GPC3: variants seen among roughly 807,000 people sequenced by gnomAD.
GPC3 encodes the protein glypican 3.
GPC3 carries 3 observed loss-of-function variants against 34.4 expected under a neutral mutation model. The ratio of observed to expected loss-of-function variants is 0.09; its 90% confidence interval spans 0.04 to 0.23. GPC3 has a LOEUF of 0.23. Among genes scored for constraint, GPC3 ranks in the 10% least tolerant of loss-of-function variants. GPC3 has a pLI of 1.00. For missense variants in GPC3, 351 were observed against 445.6 expected, an observed-to-expected ratio of 0.79 and a Z score of 1.91; for synonymous variants, 177 against 174.0, an observed-to-expected ratio of 1.02 and a Z score of -0.13.
chrX:133,572,274 A>G (rs1270651286), intron 7 of GPC3, among the ~76,000 whole-genome samples: 1 of 112,173 alleles, frequency 8.9e-6, no homozygotes, highest in Non-Finnish European at 1.9e-5. Flanking sequence ...AAGGAAAATT[A>G]GAAAATACTT....
At chrX:133,649,268 ATGTG>A (rs201681195) in intron 6 of GPC3, among the ~76,000 whole-genome samples, 77 of 104,046 alleles carry the variant, frequency 7.4e-4, no homozygotes, top group Admixed American at 2.7e-3. Context: ...ATATATATAT[ATGTG>A]TGTGTGTGTG....
At chrX:133,647,944 G>A (rs2070560293) in intron 6 of GPC3, among the ~76,000 whole-genome samples, 1 of 111,981 alleles carries the variant, frequency 8.9e-6, no homozygotes, top group Non-Finnish European at 1.9e-5. Flanking sequence ...TCTACTAAAG[G>A]TTCAATAAGG....
At chrX:133,671,523 G>A (rs1478650286) in intron 5 of GPC3, 5 of 385,497 alleles carry the variant, frequency 1.3e-5, no homozygotes, top group African/African-American at 1.0e-4. Flanking sequence ...GTTAAGCTAC[G>A]AGGGTGCTAG....
chrX:133,955,377 C>T (rs941672690), intron 1 of GPC3, among the ~76,000 whole-genome samples: 1 of 111,297 alleles, frequency 9.0e-6, no homozygotes, highest in African/African-American at 3.3e-5. Context: ...CTCTCTTCCA[C>T]AAGGGTCAGA....
intron 7 of GPC3, among the ~76,000 whole-genome samples, chrX:133,562,730 T>C (rs2069549810): frequency 8.9e-6 from 1 of 112,059 alleles, no homozygotes; most frequent in South Asian, 3.8e-4. Flanking sequence ...AAATTTGCTA[T>C]GGGCAGGTCC....
chrX:133,967,012 G>A (rs1219553759), intron 1 of GPC3, among the ~76,000 whole-genome samples: 1 of 111,807 alleles, frequency 8.9e-6, no homozygotes, highest in Non-Finnish European at 1.9e-5. Context: ...ATTTAATGGA[G>A]GAGAAAGTGC....
intron 7 of GPC3, among the ~76,000 whole-genome samples, chrX:133,537,168 C>T (rs957749149): frequency 6.0e-4 from 67 of 112,075 alleles, no homozygotes; most frequent in African/African-American, 2.0e-3. Context: ...ATGGCTGACC[C>T]TGGCCAAGGG....
intron 3 of GPC3, among the ~76,000 whole-genome samples, chrX:133,717,208 C>T (rs1410467823): frequency 9.1e-6 from 1 of 110,321 alleles, no homozygotes; most frequent in Non-Finnish European, 1.9e-5. Flanking sequence ...GTGATCTGCC[C>T]ACCTCAGCCT....
At chrX:133,902,134 C>T (rs192753472) in intron 2 of GPC3, among the ~76,000 whole-genome samples, 1 of 112,231 alleles carries the variant, frequency 8.9e-6, no homozygotes, top group African/African-American at 3.2e-5. Flanking sequence ...TTGAATTAAC[C>T]AAATATTTGA....
chrX:133,871,290 G>A (rs922942821), intron 2 of GPC3, among the ~76,000 whole-genome samples: 2 of 111,726 alleles, frequency 1.8e-5, no homozygotes, highest in African/African-American at 6.5e-5. Flanking sequence ...AGCTCTGAAA[G>A]TAAAAAATAT....
rs368570736 is a variant in GPC3 at position 133,739,683 on chromosome X, T to TA, written c.1032+13798dup. Among the ~76,000 whole-genome samples, 175 of 99,915 alleles carry TA rather than the reference T, an allele frequency of 1.8e-3. 1 individual carries two copies. Among genetic ancestry groups the TA allele is most frequent in the East Asian group, 3.1e-3 (10 of 3,216 alleles). The allele number at this position is 99,915 out of a possible 115,157, so 86.8% of individuals were successfully genotyped here. A position where few individuals can be genotyped will look rare whatever the true frequency, so the allele number is the denominator to read the frequency against. The stretch of plus-strand genomic sequence containing the variant: ...CAACATAGCAAGACCCTGTCTCTAC[T>TA]AAAAAAAAAACAAAAACAAAAACAA... On this transcript the variant is annotated intron_variant, in intron 3 of 7. Transcript: ENST00000370818.
At chrX:133,965,944 TAAA>T (rs1359691225) in intron 1 of GPC3, among the ~76,000 whole-genome samples, 1 of 110,617 alleles carries the variant, frequency 9.0e-6, no homozygotes, top group Non-Finnish European at 1.9e-5. Flanking sequence ...GGAGAAGTGT[TAAA>T]AAGGGGGGAA....
chrX:133,640,827 C>T (rs2070472892), intron 6 of GPC3, among the ~76,000 whole-genome samples: 1 of 111,737 alleles, frequency 8.9e-6, no homozygotes, highest in Non-Finnish European at 1.9e-5. Flanking sequence ...AGCCAAATTC[C>T]TTCTCCCACC....
chrX:133,901,252 C>T (rs2076142520), intron 2 of GPC3, among the ~76,000 whole-genome samples: 1 of 110,940 alleles, frequency 9.0e-6, no homozygotes, highest in Admixed American at 9.6e-5. Context: ...AGACATTAAC[C>T]TAGGTGAATT....
At chrX:133,569,421 A>G (rs1020457491) in intron 7 of GPC3, among the ~76,000 whole-genome samples, 2 of 111,267 alleles carry the variant, frequency 1.8e-5, no homozygotes, top group African/African-American at 6.5e-5. Flanking sequence ...TCTGTGTGTG[A>G]CTGATTTGGA....
At chrX:133,947,555 CAA>C (rs2076374341) in intron 2 of GPC3, among the ~76,000 whole-genome samples, 1 of 112,168 alleles carries the variant, frequency 8.9e-6, no homozygotes, top group Non-Finnish European at 1.9e-5. Context: ...CGATTGAATC[CAA>C]AAGTTTTACT....
At chrX:133,819,273 G>A (rs2075707880) in intron 2 of GPC3, among the ~76,000 whole-genome samples, 1 of 103,855 alleles carries the variant, frequency 9.6e-6, no homozygotes, top group African/African-American at 3.5e-5. Context: ...AACACTTACG[G>A]CGTCAGGGGC....
chrX:133,749,480 C>T, intron 3 of GPC3, among the ~76,000 whole-genome samples: 1 of 111,044 alleles, frequency 9.0e-6, no homozygotes. Flanking sequence ...ACTTGGTAGT[C>T]TGAAGTATTG....
intron 2 of GPC3, among the ~76,000 whole-genome samples, chrX:133,935,691 T>G (rs1322976184): frequency 9.0e-6 from 1 of 111,532 alleles, no homozygotes; most frequent in Non-Finnish European, 1.9e-5. Context: ...GCTTTAATTT[T>G]TCATGACGTC....
Sources: gnomAD v4.1 joint callset for allele counts (sites outside exome capture counted in the v4.1 genomes callset) on GRCh38, gnomAD v4.1.1 for gene constraint, MANE v1.5 for transcripts, NCBI Gene and HGNC (gene_info 2026-07-23, HGNC 2026-07-21) for gene names.